Variants in CPPED1 observed in about 807,000 individuals in gnomAD.
CPPED1 encodes serine/threonine-protein phosphatase CPPED1.
Under a neutral mutation model 28.0 loss-of-function variants are expected in CPPED1, and 28 were observed. The ratio of observed to expected loss-of-function variants is 1.00; its 90% CI spans 0.74 to 1.37. The LOEUF (loss-of-function observed/expected upper bound fraction) is 1.37. CPPED1 is among the 40% of genes most tolerant of loss of function. The pLI is 0.00. For missense variants in CPPED1, 504 were observed against 416.5 expected, an observed-to-expected ratio of 1.21 and a Z score of -1.83; for synonymous variants, 198 against 180.2, an observed-to-expected ratio of 1.10 and a Z score of -0.79.
intron 3 of CPPED1, among the ~76,000 whole-genome samples, chr16:12,692,767 A>G (rs900993985): frequency 6.6e-6 from 1 of 152,216 alleles, no homozygotes; most frequent in African/African-American, 2.4e-5. Context: ...AAATTGCTCT[A>G]TTAGGTGCCT....
rs1276949195 is a variant in CPPED1, at chr16:12,663,929, GCATTTAGTCCA to G, written c.*946_*956del. ...TTTTGTCAAGGGATTTTGCATTAGTGCATTTAGTCCAAGTCAGGGCCAATTCAGAGGATGTG... is the reference window on the plus strand; with the variant it reads ...TTTTGTCAAGGGATTTTGCATTAGTGAGTCAGGGCCAATTCAGAGGATGTG... On this transcript the variant is annotated 3_prime_UTR_variant, in exon 4 of 4. Coordinates refer to ENST00000381774, the MANE Select transcript of CPPED1 (RefSeq NM_018340.3). 5 of 152,218 alleles carry G rather than the reference GCATTTAGTCCA, an allele frequency of 3.3e-5. No individual in the cohort carries two copies. Among genetic ancestry groups the G allele is most frequent in the African/African-American group, 9.6e-5 (4 of 41,452 alleles). The allele number at this position is 152,218 out of a possible 1,614,324, so 9.4% of individuals were successfully genotyped here. A position where few individuals can be genotyped will look rare whatever the true frequency, so the allele number is the denominator to read the frequency against.
intron 2 of CPPED1, chr16:12,760,328 C>G (rs1040188849): frequency 6.6e-6 from 1 of 152,038 alleles, no homozygotes; most frequent in Non-Finnish European, 1.5e-5. Flanking sequence ...CCATGGATAC[C>G]AAAGGATGAT....
intron 2 of CPPED1, among the ~76,000 whole-genome samples, chr16:12,723,618 G>A (rs368316375): frequency 5.3e-5 from 8 of 152,230 alleles, no homozygotes; most frequent in African/African-American, 1.9e-4. Context: ...TTCCAGAACG[G>A]TGAGAAAGCA....
intron 3 of CPPED1, among the ~76,000 whole-genome samples, chr16:12,679,087 T>C (rs1039469929): frequency 9.9e-5 from 15 of 152,206 alleles, no homozygotes; most frequent in Admixed American, 9.8e-4. Flanking sequence ...CATTCTTTGG[T>C]GATCTCACAA....
chr16:12,671,397 G>A (rs1243819208), intron 3 of CPPED1, among the ~76,000 whole-genome samples: 5 of 152,076 alleles, frequency 3.3e-5, no homozygotes, highest in African/African-American at 7.2e-5. Context: ...GTAAAGAGGG[G>A]TAAGGGAAAG....
chr16:12,739,236 T>G (rs994694427), intron 2 of CPPED1, among the ~76,000 whole-genome samples: 1 of 152,130 alleles, frequency 6.6e-6, no homozygotes, highest in Non-Finnish European at 1.5e-5. Flanking sequence ...AATGGATAAA[T>G]GAATGGACAA....
chr16:12,796,925 A>G (rs2080631114), intron 1 of CPPED1, among the ~76,000 whole-genome samples: 1 of 152,232 alleles, frequency 6.6e-6, no homozygotes, highest in Non-Finnish European at 1.5e-5. Context: ...TCATTTAGTA[A>G]AAAGGAACAA....
At chr16:12,789,000 T>C (rs2080580574) in intron 1 of CPPED1, among the ~76,000 whole-genome samples, 1 of 152,306 alleles carries the variant, frequency 6.6e-6, no homozygotes, top group African/African-American at 2.4e-5. Context: ...GTGGATGAGG[T>C]CTGCTTAGCA....
chr16:12,671,114 G>A (rs2079850782), intron 3 of CPPED1, among the ~76,000 whole-genome samples: 1 of 152,134 alleles, frequency 6.6e-6, no homozygotes, highest in African/African-American at 2.4e-5. Context: ...GCCTCCCGAA[G>A]TGCTGGGATT....
At chr16:12,688,932 C>T (rs2079947823) in intron 3 of CPPED1, among the ~76,000 whole-genome samples, 1 of 152,194 alleles carries the variant, frequency 6.6e-6, no homozygotes. Context: ...CTTACCAAGA[C>T]TGATTGCAGG....
chr16:12,685,029 C>T (rs760473907), intron 3 of CPPED1, among the ~76,000 whole-genome samples: 66 of 152,210 alleles, frequency 4.3e-4, no homozygotes, highest in Non-Finnish European at 8.8e-4. Flanking sequence ...GCCTTACTCA[C>T]GACAGGGTGG....
At chr16:12,729,304 G>A (rs1258056203) in intron 2 of CPPED1, among the ~76,000 whole-genome samples, 1 of 152,112 alleles carries the variant, frequency 6.6e-6, no homozygotes, top group African/African-American at 2.4e-5. Context: ...AATATTACAA[G>A]GTTAATTTGG....
intron 3 of CPPED1, among the ~76,000 whole-genome samples, chr16:12,672,238 C>T (rs949058435): frequency 6.6e-6 from 1 of 152,192 alleles, no homozygotes. Flanking sequence ...GCAATACTGT[C>T]GCACATTTTA....
intron 2 of CPPED1, among the ~76,000 whole-genome samples, chr16:12,721,824 G>C (rs1486608412): frequency 6.6e-6 from 1 of 150,970 alleles, no homozygotes; most frequent in Admixed American, 6.6e-5. Context: ...GCAATATGCA[G>C]AGCTGCTAAG....
intron 2 of CPPED1, among the ~76,000 whole-genome samples, chr16:12,750,684 A>G (rs140495670): frequency 6.6e-6 from 1 of 152,240 alleles, no homozygotes; most frequent in African/African-American, 2.4e-5. Context: ...AATGATGCTA[A>G]CAGAGGCCGG....
chr16:12,697,874 G>A (rs1303276679), intron 3 of CPPED1, among the ~76,000 whole-genome samples: 1 of 152,164 alleles, frequency 6.6e-6, no homozygotes, highest in Non-Finnish European at 1.5e-5. Context: ...CACTTTGGGA[G>A]GCCAAGGTGA....
chr16:12,767,511 G>A (rs1015880892), intron 2 of CPPED1, among the ~76,000 whole-genome samples: 2 of 152,118 alleles, frequency 1.3e-5, no homozygotes, highest in African/African-American at 2.4e-5. Flanking sequence ...GATCTGATGA[G>A]AGCTGTGGAC....
chr16:12,764,170 T>C (rs573999913), intron 2 of CPPED1, among the ~76,000 whole-genome samples: 1 of 151,466 alleles, frequency 6.6e-6, no homozygotes, highest in East Asian at 2.0e-4. Flanking sequence ...ATTAAGGTTT[T>C]TTCTGGATAC....
chr16:12,685,300 A>G (rs899054540), intron 3 of CPPED1, among the ~76,000 whole-genome samples: 8 of 152,126 alleles, frequency 5.3e-5, no homozygotes, highest in Admixed American at 2.0e-4. Flanking sequence ...AAATACAAAA[A>G]TTAGCCAGGT....
Sources: gnomAD v4.1 joint callset for allele counts (sites outside exome capture counted in the v4.1 genomes callset) on GRCh38, gnomAD v4.1.1 for gene constraint, MANE v1.5 for transcripts, NCBI Gene and HGNC (gene_info 2026-07-23, HGNC 2026-07-21) for gene names.